Variants in PIEZO1 observed in about 807,000 individuals in gnomAD.
PIEZO1 encodes piezo type mechanosensitive ion channel component 1 (Er blood group), also known as piezo-type mechanosensitive ion channel component 1.
In PIEZO1, 296 loss-of-function variants were observed where a neutral mutation model predicts 297.2. The observed-to-expected ratio is 1.00, with a 90% CI of 0.91 to 1.10. The LOEUF (loss-of-function observed/expected upper bound fraction) is 1.10. Among genes scored for constraint, PIEZO1 ranks in the 50% least tolerant of loss-of-function variants. The pLI, the probability that PIEZO1 is intolerant of heterozygous loss-of-function variation, is 0.00. For missense variants in PIEZO1, 5,018 were observed against 3,455.5 expected (o/e 1.45, Z -11.34); for synonymous variants, 2,427 against 1,507.5 (o/e 1.61, Z -14.13).
intron 2 of PIEZO1, chr16:88,743,573 C>G (rs530160142): frequency 4.4e-6 from 2 of 456,716 alleles, no homozygotes; most frequent in African/African-American, 2.0e-5. Flanking sequence ...AACTCAGGGC[C>G]TGTGTCCACT....
At chr16:88,732,561 A>G in intron 20 of PIEZO1, 26 bp from the exon 21 acceptor site, 1 of 1,542,968 alleles carries the variant, frequency 6.5e-7, no homozygotes, top group Non-Finnish European at 8.8e-7. Flanking sequence ...GTCAGGGGGC[A>G]GCCGGGTACT....
rs541555439 is a variant in PIEZO1, at chr16:88,738,409, G to A, written c.666C>T (p.Val222=). 2.3e-4 allele frequency: 355 copies of A among 1,535,860 alleles called. No individual in the cohort carries two copies. The African/African-American group carries it at 4.5e-3, about 19-fold the overall frequency. The part of the protein sequence containing the change: ...GIAHPSALSS[V]YLLLFLALCT... ...AGAGGGCCAGGAAGAGCAGCAGGTA[G>A]ACACTGGAGAGGGCCGAGGGGTGGG... is the stretch of plus-strand genomic sequence containing the variant. The change falls in exon 7 of 51, where the codon GTC becomes GTT. Residue 222 remains valine (V), a synonymous_variant. Coordinates refer to ENST00000301015, the MANE Select transcript of PIEZO1 (RefSeq NM_001142864.4).
At chr16:88,745,075 C>T (rs1905959570) in intron 2 of PIEZO1, 1 of 149,922 alleles carries the variant, frequency 6.7e-6, no homozygotes, top group Admixed American at 6.6e-5. Flanking sequence ...CACCCCGTCA[C>T]TCTCCCCCTG....
chr16:88,736,220 G>C lies in PIEZO1; in HGVS notation c.1485C>G (p.Thr495=), dbSNP rs1015250019. Residue 495 remains threonine, a synonymous_variant, in exon 12 of 51, where the codon ACC becomes ACG. Transcript: ENST00000301015. ...AMDLRPELPT[T]LGPVSLRQLG... ...GCTGGCGCAGGCTGACGGGGCCCAG[G>C]GTGGTGGGCAGCTCAGGGCGCAGGT... The C allele has an allele frequency of 5.2e-6, 8 of 1,549,644 alleles. No individual in the cohort carries two copies. The highest frequency in any genetic ancestry group is 2.0e-5 in the Admixed American group (1 of 50,974).
intron 1 of PIEZO1, among the ~76,000 whole-genome samples, chr16:88,778,788 G>A (rs545677521): frequency 3.9e-5 from 6 of 152,306 alleles, no homozygotes; most frequent in Non-Finnish European, 8.8e-5. Flanking sequence ...ACAGAAGGGC[G>A]AGAGGCTCGT....
rs1264475356 is a variant in PIEZO1, at chr16:88,785,052, G to A, written c.-88C>T. 6.3e-6 allele frequency: 5 copies of A among 791,310 alleles called. No individual in the cohort carries two copies. In the South Asian group the frequency reaches 1.8e-4, roughly 29 times the overall value. 49.0% of individuals were successfully genotyped at this position (791,310 alleles called of 1,614,324 possible). A position where few individuals can be genotyped will look rare whatever the true frequency, so the allele number is the denominator to read the frequency against. On this transcript the variant is annotated 5_prime_UTR_variant, in exon 1 of 51. Coordinates refer to ENST00000301015, the MANE Select transcript of PIEZO1 (RefSeq NM_001142864.4). ...GGGGCCCCGGGGCCGGCGCGCCATG[G>A]CTGACCCGCGGGGACCCGCGCGCCG...
chr16:88,716,160 C>T (rs1393570836), intron 49 of PIEZO1, 38 bp downstream of exon 49: 32 of 1,519,888 alleles, frequency 2.1e-5, no homozygotes, highest in Non-Finnish European at 2.7e-5. Flanking sequence ...GCAGGTCACC[C>T]CTCTCTAGCC....
chr16:88,720,229 C>A lies in PIEZO1; in HGVS notation c.6004G>T (p.Glu2002Ter). The change falls in exon 42 of 51, where the codon GAG becomes TAG. Residue 2002 changes from glutamate to a stop codon, truncating the protein, a stop_gained. Coordinates refer to ENST00000301015, the MANE Select transcript of PIEZO1 (RefSeq NM_001142864.4). LOFTEE classifies it high-confidence loss of function. ...ATCAGCAGCATGACCAGGAAAGCCT[C>A]GGGTACCTGGTCGTCTGATAGGGAG... is the stretch of plus-strand genomic sequence containing the variant. ...TSSLSDDQVP[E>*]AFLVMLLIQF... 1.3e-6 allele frequency: 2 copies of A among 1,550,530 alleles called. No individual in the cohort carries two copies. The highest frequency in any genetic ancestry group is 1.7e-6 in the Non-Finnish European group (2 of 1,146,978).
Position 88,725,396 on chromosome 16 carries a change from C to T in PIEZO1, c.4162+20G>A, listed in dbSNP as rs1904349111. The T allele has an allele frequency of 2.2e-6, 3 of 1,387,862 alleles. No homozygotes were observed. The highest frequency in any genetic ancestry group is 1.9e-6 in the Non-Finnish European group (2 of 1,052,062). The allele number at this position is 1,387,862 out of a possible 1,614,324, so 86.0% of individuals were successfully genotyped here. On this transcript the variant is annotated intron_variant, in intron 29 of 50. Transcript: ENST00000301015. ...ATGCTGGACACGGGGCCCTGGGTGC[C>T]CGACTCCAGCTGCACTCACCTGGCT... is the stretch of plus-strand genomic sequence containing the variant.
rs79879353 is a variant in PIEZO1, at chr16:88,746,686, G to A, written c.160+2698C>T. 8.5e-3 allele frequency among the ~76,000 whole-genome samples: 1,287 copies of A among 152,276 alleles called. 25 individuals carry two copies. In the East Asian group the frequency reaches 0.091, roughly 11 times the overall value. ...TCCCGGAAAACTGGGCAGCATCTCC[G>A]TCTCTGAAGGGCCTCTGACGAGGCT... On this transcript the variant is annotated intron_variant, in intron 2 of 50. Transcript: ENST00000301015.
intron 4 of PIEZO1, 63 bp from the exon 5 acceptor site, chr16:88,741,679 T>C: frequency 6.8e-7 from 1 of 1,461,222 alleles, no homozygotes; most frequent in Non-Finnish European, 9.1e-7. Context: ...TGAGTGTGGA[T>C]GGGTCTCCAG....
chr16:88,773,433 G>A (rs912053622), intron 1 of PIEZO1, among the ~76,000 whole-genome samples: 4 of 152,256 alleles, frequency 2.6e-5, no homozygotes, highest in African/African-American at 9.6e-5. Flanking sequence ...GAAGCCAGGC[G>A]ACCGATGGGC....
chr16:88,743,724 A>T, intron 2 of PIEZO1: 1 of 441,296 alleles, frequency 2.3e-6, no homozygotes, highest in Non-Finnish European at 4.6e-6. Context: ...ACCGTGAAGC[A>T]GCCCTCACGG....
intron 1 of PIEZO1, among the ~76,000 whole-genome samples, chr16:88,771,176 G>T (rs555085821): frequency 6.6e-6 from 1 of 152,346 alleles, no homozygotes; most frequent in East Asian, 1.9e-4. Flanking sequence ...GCCCCACAGA[G>T]CGACCGCTAC....
chr16:88,737,046 C>T, intron 10 of PIEZO1: 1 of 294,312 alleles, frequency 3.4e-6, no homozygotes, highest in Non-Finnish European at 6.3e-6. Context: ...AGGGCCGTGG[C>T]TTCATTTGCT....
intron 1 of PIEZO1, among the ~76,000 whole-genome samples, chr16:88,774,924 C>A (rs1907590267): frequency 6.6e-6 from 1 of 152,282 alleles, no homozygotes; most frequent in East Asian, 1.9e-4. Context: ...AGGAACCAGT[C>A]AAAGGAAGGA....
chr16:88,735,093 G>C, intron 13 of PIEZO1, 40 bp from the exon 14 acceptor site: 1 of 1,549,826 alleles, frequency 6.5e-7, no homozygotes, highest in Non-Finnish European at 8.7e-7. Context: ...CATCAGGGCG[G>C]GCAGGCAGGA....
chr16:88,720,265 C>G lies in PIEZO1; in HGVS notation c.5968G>C (p.Asp1990His). 1 of 1,550,466 alleles carries G rather than the reference C, an allele frequency of 6.4e-7. No homozygotes were observed. Among genetic ancestry groups the G allele is most frequent in the Non-Finnish European group, 8.7e-7 (1 of 1,146,974 alleles). Residue 1990 changes from aspartate to histidine, a missense_variant, in exon 42 of 51, where the codon GAC (aspartate) becomes CAC (histidine). Physicochemically the swap from Asp to His is moderately conservative, Grantham distance 81 (BLOSUM62 -1). Coordinates refer to ENST00000301015, the MANE Select transcript of PIEZO1 (RefSeq NM_001142864.4). ...WAFGKHSAATDITSSLSDDQV... is the reference protein window; with the variant it reads ...WAFGKHSAATHITSSLSDDQV... ...TCGTCTGATAGGGAGGACGTGATGTCTGTGGCCGCCGAGTGCTTCTGTGGC... is the reference window on the plus strand; with the variant it reads ...TCGTCTGATAGGGAGGACGTGATGTGTGTGGCCGCCGAGTGCTTCTGTGGC...
chr16:88,740,348 C>G (rs1853377225), intron 5 of PIEZO1: 1 of 152,472 alleles, frequency 6.6e-6, no homozygotes, highest in Admixed American at 6.5e-5. Flanking sequence ...TCCCATCACA[C>G]CAAGATGAAG....
Sources: gnomAD v4.1 joint callset for allele counts (sites outside exome capture counted in the v4.1 genomes callset) on GRCh38, gnomAD v4.1.1 for gene constraint, MANE v1.5 for transcripts, NCBI Gene and HGNC (gene_info 2026-07-23, HGNC 2026-07-21) for gene names.